Variants in CARM1 observed in about 807,000 individuals in gnomAD.
The protein encoded by CARM1 is histone-arginine methyltransferase CARM1.
A neutral mutation model predicts 72.7 loss-of-function variants in CARM1; 14 were observed. The observed-to-expected ratio is 0.19, with a 90% confidence interval of 0.13 to 0.30. The LOEUF is 0.30. CARM1 is among the 10% of genes least tolerant of loss of function. The pLI is 1.00. For missense variants in CARM1, 432 were observed against 833.7 expected (o/e 0.52, Z 5.93); for synonymous variants, 333 against 345.5 (o/e 0.96, Z 0.40).
intron 1 of CARM1, among the ~76,000 whole-genome samples, chr19:10,885,258 G>GC (rs546784726): frequency 1.3e-5 from 2 of 152,104 alleles, no homozygotes; most frequent in South Asian, 2.1e-4. Context: ...GGGGCTCTGT[G>GC]CCCCCCCACC....
chr19:10,908,217 A>C, intron 3 of CARM1, 72 bp downstream of exon 3: 6 of 997,128 alleles, frequency 6.0e-6, no homozygotes, highest in Non-Finnish European at 9.6e-6. Context: ...GCAGGAGGCC[A>C]CACAGCACAG....
chr19:10,906,249 C>T (rs539209957), intron 2 of CARM1, among the ~76,000 whole-genome samples: 18 of 152,044 alleles, frequency 1.2e-4, no homozygotes, highest in African/African-American at 3.6e-4. Flanking sequence ...CCACTGCACC[C>T]GGCCGTTCCC....
intron 4 of CARM1, among the ~76,000 whole-genome samples, chr19:10,911,787 G>A (rs1568354890): frequency 1.3e-5 from 2 of 152,202 alleles, no homozygotes; most frequent in Admixed American, 1.3e-4. Flanking sequence ...AAGACGGGCT[G>A]CTTCTCCAGG....
At chr19:10,908,176 C>T in intron 3 of CARM1, 31 bp downstream of exon 3, 1 of 1,463,410 alleles carries the variant, frequency 6.8e-7, no homozygotes, top group Non-Finnish European at 9.6e-7. Flanking sequence ...GCCAGGCCGC[C>T]TCCCCCCGGC....
intron 6 of CARM1, 47 bp downstream of exon 6, chr19:10,914,101 G>A: frequency 6.5e-7 from 1 of 1,541,714 alleles, no homozygotes; most frequent in Non-Finnish European, 8.8e-7. Context: ...TGGAGGCCCT[G>A]GCTGCCGCTG....
At chr19:10,907,088 AT>A (rs1225247180) in intron 2 of CARM1, among the ~76,000 whole-genome samples, 4 of 148,464 alleles carry the variant, frequency 2.7e-5, no homozygotes, top group Non-Finnish European at 3.0e-5. Context: ...TGTATTTTTA[AT>A]AGAGACAGGG....
At chr19:10,895,353 C>T (rs192016363) in intron 1 of CARM1, among the ~76,000 whole-genome samples, 13 of 152,356 alleles carry the variant, frequency 8.5e-5, no homozygotes, top group African/African-American at 3.1e-4. Flanking sequence ...GATCCACGTG[C>T]CTTGGCCTCC....
chr19:10,885,808 T>TA (rs982229084), intron 1 of CARM1, among the ~76,000 whole-genome samples: 1 of 151,818 alleles, frequency 6.6e-6, no homozygotes, highest in Non-Finnish European at 1.5e-5. Flanking sequence ...GCCTGGCTCT[T>TA]ACTCCCGCTC....
chr19:10,882,087 G>T (rs1050393741), intron 1 of CARM1, among the ~76,000 whole-genome samples: 1 of 152,156 alleles, frequency 6.6e-6, no homozygotes, highest in African/African-American at 2.4e-5. Context: ...TTAGCATCCC[G>T]GTGACCACTT....
In CARM1 at chr19:10,909,087, T is replaced by C; in HGVS notation, c.454-16T>C. On this transcript the variant is annotated splice_polypyrimidine_tract_variant and intron_variant, in intron 3 of 15. Transcript: ENST00000327064. ...GCCACCATGTGCCCCGTGCCATCGGTATGTCTCTGTTCCAGTTTTATGGCT... is the reference window on the plus strand; with the variant it reads ...GCCACCATGTGCCCCGTGCCATCGGCATGTCTCTGTTCCAGTTTTATGGCT... 1 of 1,599,160 alleles carries C rather than the reference T, an allele frequency of 6.3e-7. No individual in the cohort carries two copies. The highest frequency in any genetic ancestry group is 1.3e-5 in the African/African-American group (1 of 74,724).
At chr19:10,885,847 G>GC (rs146981452) in intron 1 of CARM1, among the ~76,000 whole-genome samples, 5,474 of 147,870 alleles carry the variant, frequency 0.037, 426 homozygotes, top group East Asian at 0.35. Flanking sequence ...TATCAGGACA[G>GC]CCCCCCACAG....
At chr19:10,874,191 A>G (rs999896687) in intron 1 of CARM1, among the ~76,000 whole-genome samples, 1 of 151,812 alleles carries the variant, frequency 6.6e-6, no homozygotes, top group African/African-American at 2.4e-5. Flanking sequence ...TTCTGAGCTC[A>G]AGTGATCTTC....
At chr19:10,906,307 A>G (rs748484397) in intron 2 of CARM1, among the ~76,000 whole-genome samples, 1 of 152,100 alleles carries the variant, frequency 6.6e-6, no homozygotes, top group Non-Finnish European at 1.5e-5. Context: ...CAGTTCTGTC[A>G]GTTTTTAAAA....
At position 10,916,892 on chromosome 19, in the gene CARM1, G is replaced by A. The variant is rs1046404689; in HGVS notation, c.1020+115G>A. 10 of 743,012 alleles carry A rather than the reference G, an allele frequency of 1.3e-5. No homozygotes were observed. The highest frequency in any genetic ancestry group is 5.6e-5 in the South Asian group (3 of 53,532). 46.0% of individuals were successfully genotyped at this position (743,012 alleles called of 1,614,324 possible). On this transcript the variant is annotated intron_variant, in intron 8 of 15. Coordinates refer to ENST00000327064, the MANE Select transcript of CARM1 (RefSeq NM_199141.2). This position sits in a 1 kb window ranked among gnomAD's most constrained non-coding sequence, Gnocchi z 4.4. The stretch of plus-strand genomic sequence containing the variant: ...AGCCCTCTCCTCTGCCCTGCACAGC[G>A]CTCTCACAGAGATTTGGGCCAAAAG...
chr19:10,919,187 G>C (rs2074221074), intron 8 of CARM1: 1 of 161,940 alleles, frequency 6.2e-6, no homozygotes, highest in Non-Finnish European at 1.3e-5. Flanking sequence ...TTAGCTTGGA[G>C]ATCTTTCCTC....
In CARM1 at chr19:10,905,021, C is replaced by T; in HGVS notation, c.291C>T (p.Ser97=). The T allele has an allele frequency of 4.3e-6, 7 of 1,614,200 alleles. No individual in the cohort carries two copies. Among genetic ancestry groups the T allele is most frequent in the Non-Finnish European group, 5.9e-6 (7 of 1,180,024 alleles). The change falls in exon 2 of 16, where the codon TCC becomes TCT. Residue 97 remains serine, a synonymous_variant. Coordinates refer to ENST00000327064, the MANE Select transcript of CARM1 (RefSeq NM_199141.2). The part of the protein sequence containing the change: ...ETECSRVGKQ[S]FIITLGCNSV... Reference sequence around the variant, plus strand: ...AGTGCAGCCGTGTGGGCAAGCAGTCCTTCATCATCACCCTGGGCTGCAACA... The same window carrying T: ...AGTGCAGCCGTGTGGGCAAGCAGTCTTTCATCATCACCCTGGGCTGCAACA...
Position 10,909,531 on chromosome 19 carries a change from C to T in CARM1, c.558+324C>T, listed in dbSNP as rs535976497. On this transcript the variant is annotated intron_variant, in intron 4 of 15. Coordinates refer to ENST00000327064, the MANE Select transcript of CARM1 (RefSeq NM_199141.2). ...CGGGCGGGTCACAAGGTCAGGAGATCGAGACCATCCTGGCTAACACGATGA... is the reference window on the plus strand; with the variant it reads ...CGGGCGGGTCACAAGGTCAGGAGATTGAGACCATCCTGGCTAACACGATGA... Among the ~76,000 whole-genome samples, 6 of 151,954 alleles carry T rather than the reference C, an allele frequency of 3.9e-5. No individual in the cohort carries two copies. In the East Asian group the frequency reaches 1.2e-3, roughly 30 times the overall value.
chr19:10,897,976 G>A (rs907217828), intron 1 of CARM1, among the ~76,000 whole-genome samples: 2 of 151,934 alleles, frequency 1.3e-5, no homozygotes, highest in Non-Finnish European at 1.5e-5. Flanking sequence ...GCGAGGTGGC[G>A]GGCGCCTGTA....
At chr19:10,909,562 C>T (rs965410078) in intron 4 of CARM1, among the ~76,000 whole-genome samples, 7 of 151,954 alleles carry the variant, frequency 4.6e-5, no homozygotes, top group Non-Finnish European at 7.4e-5. Context: ...GATGAAACCC[C>T]GTCTCTACTA....
Sources: gnomAD v4.1 joint callset for allele counts (sites outside exome capture counted in the v4.1 genomes callset) on GRCh38, gnomAD v4.1.1 for gene constraint, Gnocchi (gnomAD v3.1) non-coding constraint, MANE v1.5 for transcripts, NCBI Gene and HGNC (gene_info 2026-07-23, HGNC 2026-07-21) for gene names.